The following GLDC variants were observed in gnomAD, a reference collection of about 807,000 sequenced individuals.
The protein encoded by GLDC is glycine dehydrogenase (decarboxylating), mitochondrial.
A neutral mutation model predicts 121.3 loss-of-function variants in GLDC; 104 were observed. The observed-to-expected ratio is 0.86, with a 90% CI of 0.73 to 1.01. The LOEUF (loss-of-function observed/expected upper bound fraction) is 1.01, where lower values mean the gene tolerates loss of function less well. GLDC is among the 50% of genes least tolerant of loss of function. The pLI is 0.00. For synonymous variants in GLDC, 546 were observed against 480.6 expected, an observed-to-expected ratio of 1.14 and a Z score of -1.78; for missense variants, 1,429 against 1,306.6, an observed-to-expected ratio of 1.09 and a Z score of -1.44.
chr9:6,571,215 G>A (rs1303793258), intron 15 of GLDC, among the ~76,000 whole-genome samples: 3 of 151,964 alleles, frequency 2.0e-5, no homozygotes, highest in African/African-American at 7.2e-5. Context: ...TTCATCTGAT[G>A]GCAAGGCTTA....
intron 21 of GLDC, among the ~76,000 whole-genome samples, chr9:6,546,320 G>T: frequency 6.6e-6 from 1 of 150,848 alleles, no homozygotes; most frequent in African/African-American, 2.4e-5. Context: ...AACCTTCCAA[G>T]TAGCTGGGAC....
chr9:6,534,144 C>G (rs1244741594), intron 24 of GLDC: 1 of 144,444 alleles, frequency 6.9e-6, no homozygotes, highest in Non-Finnish European at 1.4e-5. Context: ...GATCATGCCA[C>G]TGCACTCCAG....
chr9:6,613,982 G>A (rs778366913), intron 3 of GLDC, among the ~76,000 whole-genome samples: 4 of 152,034 alleles, frequency 2.6e-5, no homozygotes, highest in Non-Finnish European at 5.9e-5. Flanking sequence ...TCACCATGTT[G>A]GCCAGGCTGG....
intron 2 of GLDC, among the ~76,000 whole-genome samples, chr9:6,626,560 T>G (rs541438315): frequency 6.6e-6 from 1 of 152,232 alleles, no homozygotes; most frequent in Non-Finnish European, 1.5e-5. Flanking sequence ...TCATTTATAC[T>G]AATTGGCCTT....
intron 15 of GLDC, among the ~76,000 whole-genome samples, chr9:6,569,802 C>G (rs777015771): frequency 5.3e-5 from 8 of 152,010 alleles, no homozygotes; most frequent in Non-Finnish European, 1.2e-4. Flanking sequence ...ATGGCAAAAC[C>G]CTGTCTCTAC....
chr9:6,569,242 A>C (rs146820230), intron 15 of GLDC: 1 of 152,252 alleles, frequency 6.6e-6, no homozygotes, highest in Non-Finnish European at 1.5e-5. Flanking sequence ...AGAAGAGCTA[A>C]AAGTTCCTTT....
chr9:6,589,713 C>A (rs1466134894), intron 11 of GLDC, among the ~76,000 whole-genome samples: 1 of 152,112 alleles, frequency 6.6e-6, no homozygotes, highest in Admixed American at 6.5e-5. Context: ...AGTCATGGGC[C>A]ACTGAGCCTG....
rs1461173206 is a variant in GLDC at position 6,639,636 on chromosome 9, A to AAT, written c.334+4976_334+4977dup. On this transcript the variant is annotated intron_variant, in intron 2 of 24. Transcript: ENST00000321612. ...AACTGAGTCCAGCTGCCTAATTCTA[A>AAT]ATATATATATATCTTTTCACCATAA... The AAT allele has an allele frequency of 1.1e-4, 64 of 593,558 alleles. 1 individual carries two copies. The highest frequency in any genetic ancestry group is 7.3e-4 in the African/African-American group (34 of 46,614). The allele number at this position is 593,558 out of a possible 1,614,324, so 36.8% of individuals were successfully genotyped here. A position where few individuals can be genotyped will look rare whatever the true frequency, so the allele number is the denominator to read the frequency against.
chr9:6,620,123 G>A (rs1431034691), intron 3 of GLDC, 61 bp downstream of exon 3: 2 of 1,531,206 alleles, frequency 1.3e-6, no homozygotes, highest in East Asian at 2.2e-5. Flanking sequence ...GGGACAGATG[G>A]AGGATGGAGA....
intron 23 of GLDC, among the ~76,000 whole-genome samples, chr9:6,535,069 C>T (rs1817094674): frequency 6.6e-6 from 1 of 152,142 alleles, no homozygotes; most frequent in Admixed American, 6.5e-5. Flanking sequence ...TTTGGTGCTG[C>T]CTGTATATCC....
intron 2 of GLDC, among the ~76,000 whole-genome samples, chr9:6,628,717 G>A (rs1344398631): frequency 1.3e-5 from 2 of 152,176 alleles, no homozygotes; most frequent in African/African-American, 4.8e-5. Context: ...CTCCCACCTG[G>A]GTGACAGAGT....
rs544559680 is a variant in GLDC, at chr9:6,539,622, G to C, written c.2665+429C>G. Among the ~76,000 whole-genome samples, 5 of 152,328 alleles carry C rather than the reference G, an allele frequency of 3.3e-5. No individual in the cohort carries two copies. The South Asian group carries it at 6.2e-4, about 19-fold the overall frequency. On this transcript the variant is annotated intron_variant, in intron 22 of 24. Transcript: ENST00000321612. The stretch of plus-strand genomic sequence containing the variant: ...TGTCTTTCAAAATGCTTCAAAGAAA[G>C]TTGCATTTTCTTTGTGAAAACTACT...
chr9:6,595,134 C>G lies in GLDC; in HGVS notation c.1156-15G>C. On this transcript the variant is annotated splice_polypyrimidine_tract_variant and intron_variant, in intron 8 of 24. Transcript: ENST00000321612. The stretch of plus-strand genomic sequence containing the variant: ...GCCAAGAGGGCCTAAAAGATAAGAA[C>G]ATTTAAAGAATCACGTGATGGAGGA... 1 of 1,537,992 alleles carries G rather than the reference C, an allele frequency of 6.5e-7. No homozygotes were observed. Among genetic ancestry groups the G allele is most frequent in the South Asian group, 1.1e-5 (1 of 89,512 alleles).
intron 2 of GLDC, chr9:6,623,051 C>A: frequency 1.1e-5 from 2 of 180,132 alleles, no homozygotes; most frequent in South Asian, 8.5e-5. Context: ...GGCGCCTCTG[C>A]CCCGCCGCCC....
intron 3 of GLDC, 57 bp from the exon 4 acceptor site, chr9:6,610,413 A>G: frequency 6.4e-7 from 1 of 1,553,512 alleles, no homozygotes; most frequent in South Asian, 1.1e-5. Context: ...GAAGCACACA[A>G]AATGCTATCA....
Position 6,606,586 on chromosome 9 carries a change from A to T in GLDC, c.713+6T>A. 1 of 1,538,194 alleles carries T rather than the reference A, an allele frequency of 6.5e-7. No homozygotes were observed. Among genetic ancestry groups the T allele is most frequent in the Non-Finnish European group, 9.0e-7 (1 of 1,110,938 alleles). On this transcript the variant is annotated splice_donor_region_variant and intron_variant, in intron 5 of 24. Transcript: ENST00000321612. ...CTGAGTTTAAAACACGAATCAAATT[A>T]ATTACTTGGCTCGAGTCTGGACAAC...
intron 15 of GLDC, among the ~76,000 whole-genome samples, chr9:6,568,297 G>A (rs752167899): frequency 3.6e-4 from 55 of 152,138 alleles, no homozygotes; most frequent in Non-Finnish European, 6.8e-4. Context: ...GATTACTACT[G>A]GGGCATTAGT....
At chr9:6,582,215 A>T (rs1458745160) in intron 15 of GLDC, among the ~76,000 whole-genome samples, 5 of 2,078 alleles carry the variant, frequency 2.4e-3, no homozygotes, top group South Asian at 0.013. Flanking sequence ...ACTTCGTCTC[A>T]AAAAAAAAAA....
chr9:6,611,498 G>C (rs571287507), intron 3 of GLDC, among the ~76,000 whole-genome samples: 1 of 151,400 alleles, frequency 6.6e-6, no homozygotes, highest in South Asian at 2.1e-4. Flanking sequence ...GGAGGTTGCA[G>C]TGAGCTGAGA....
Sources: gnomAD v4.1 joint callset for allele counts (sites outside exome capture counted in the v4.1 genomes callset) on GRCh38, gnomAD v4.1.1 for gene constraint, MANE v1.5 for transcripts, NCBI Gene and HGNC (gene_info 2026-07-23, HGNC 2026-07-21) for gene names.